The following NBAS variants were observed in gnomAD, a reference collection of about 807,000 sequenced individuals.
NBAS encodes NBAS subunit of NRZ tethering complex.
Under a neutral mutation model 302.5 loss-of-function variants are expected in NBAS, and 219 were observed. The ratio of observed to expected loss-of-function variants is 0.72; its 90% CI spans 0.65 to 0.81. The LOEUF is 0.81. Ranked by LOEUF, NBAS falls within the 30% of genes least tolerant of loss-of-function variation. NBAS has a pLI of 0.00. For missense variants in NBAS, 2,932 were observed against 2,841.6 expected (o/e 1.03, Z -0.72); for synonymous variants, 1,118 against 1,021.6 (o/e 1.09, Z -1.80).
chr2:15,458,252 T>A lies in NBAS; in HGVS notation c.2339+2949A>T, dbSNP rs1679339164. ...TTATGAGTATAGGGAAAGGAGTACC[T>A]TATAGAAATCCTCCTAGAAGAGGTT... is the stretch of plus-strand genomic sequence containing the variant. On this transcript the variant is annotated intron_variant, in intron 21 of 51. Coordinates refer to ENST00000281513, the MANE Select transcript of NBAS (RefSeq NM_015909.4). Among the ~76,000 whole-genome samples the A allele has an allele frequency of 2.6e-5, 4 of 152,144 alleles. No homozygotes were observed. The South Asian group carries it at 8.3e-4, about 32-fold the overall frequency.
intron 12 of NBAS, among the ~76,000 whole-genome samples, chr2:15,482,192 G>C (rs563046846): frequency 6.6e-6 from 1 of 152,112 alleles, no homozygotes; most frequent in Non-Finnish European, 1.5e-5. Flanking sequence ...GTGCAGTGGC[G>C]TGGTCACGGC....
chr2:15,556,641 T>G (rs1558436890), intron 3 of NBAS, 142 bp downstream of exon 3: 5 of 764,688 alleles, frequency 6.5e-6, no homozygotes, highest in Non-Finnish European at 1.1e-5. Context: ...ACCTAAATGT[T>G]TGAAATGTCT....
At chr2:15,034,298 A>AAGAAAGAAAGAAAG in the NBAS span, among the ~76,000 whole-genome samples, 1 of 132,672 alleles carries the variant, frequency 7.5e-6, no homozygotes, top group African/African-American at 3.0e-5. Context: ...GAAAGAAAGA[A>AAGAAAGAAAGAAAG]AGAAAGATGG....
chr2:15,395,309 T>G (rs1306276295), intron 27 of NBAS, among the ~76,000 whole-genome samples: 1 of 152,152 alleles, frequency 6.6e-6, no homozygotes, highest in Non-Finnish European at 1.5e-5. Context: ...AAGGTAACTA[T>G]GCAGATTTGT....
chr2:15,330,704 G>A lies in NBAS; in HGVS notation c.4241C>T (p.Thr1414Ile), dbSNP rs1672293301. The change falls in exon 36 of 52, where the codon ACC (threonine) becomes ATC (isoleucine). Residue 1414 changes from threonine to isoleucine, a missense_variant. By Grantham distance (89) the Thr-to-Ile change is moderately conservative. Transcript: ENST00000281513. ...ADLLRWTTAT[T>I]MKVLSNTTTT... ...TGTGGTGTTGGAAAGGACTTTCATG[G>A]TGGTAGCAGTGGTCCAGCGCAATAG... The A allele has an allele frequency of 1.2e-6, 2 of 1,614,052 alleles. No homozygotes were observed. The highest frequency in any genetic ancestry group is 1.7e-6 in the Non-Finnish European group (2 of 1,179,962).
rs754440782 is a variant in NBAS, at chr2:15,232,413, T to G, written c.6236+9A>C. 6.2e-6 allele frequency: 10 copies of G among 1,612,914 alleles called. No homozygotes were observed. ...GTTAATGAAGATGCACATACTGTTC[T>G]AGTCTTACCCCTTGTCCACACTGGC... is the stretch of plus-strand genomic sequence containing the variant. On this transcript the variant is annotated intron_variant, in intron 47 of 51. Coordinates refer to ENST00000281513, the MANE Select transcript of NBAS (RefSeq NM_015909.4).
intron 47 of NBAS, among the ~76,000 whole-genome samples, chr2:15,220,117 GC>G (rs1477162241): frequency 2.7e-5 from 4 of 148,324 alleles, no homozygotes; most frequent in Admixed American, 6.7e-5. Context: ...GGGGCGGCTG[GC>G]CGGGCGGGGG....
chr2:15,158,900 C>T, the NBAS span, among the ~76,000 whole-genome samples: 1 of 152,144 alleles, frequency 6.6e-6, no homozygotes, highest in African/African-American at 2.4e-5. Flanking sequence ...TTTCCAGAGG[C>T]CCCCTGCACC....
chr2:15,098,688 T>A, the NBAS span, among the ~76,000 whole-genome samples: 231 of 135,546 alleles, frequency 1.7e-3, no homozygotes, highest in African/African-American at 6.0e-3. Context: ...ATATTATATA[T>A]TGTATATAAT....
At chr2:15,466,482 G>A (rs1679729531) in intron 19 of NBAS, among the ~76,000 whole-genome samples, 1 of 152,126 alleles carries the variant, frequency 6.6e-6, no homozygotes, top group Non-Finnish European at 1.5e-5. Context: ...ATCTAAGTTG[G>A]TCTTAAACTA....
the NBAS span, among the ~76,000 whole-genome samples, chr2:15,047,558 G>GCTGGGCCTGTGCAAGTGAAGT: frequency 6.6e-6 from 1 of 152,092 alleles, no homozygotes; most frequent in Admixed American, 6.5e-5. Context: ...GCAGGTAAAG[G>GCTGGGCCTGTGCAAGTGAAGT]CTGGGCCCGT....
chr2:15,113,120 T>G, the NBAS span, among the ~76,000 whole-genome samples: 1 of 152,112 alleles, frequency 6.6e-6, no homozygotes, highest in Admixed American at 6.6e-5. Context: ...ACTTTAAGAA[T>G]GTTTTGTGTG....
the NBAS span, among the ~76,000 whole-genome samples, chr2:14,966,962 G>A: frequency 6.6e-6 from 1 of 151,990 alleles, no homozygotes; most frequent in Non-Finnish European, 1.5e-5. Flanking sequence ...TGGTATACAA[G>A]ATCAATATAC....
At chr2:14,910,699 A>C in the NBAS span, among the ~76,000 whole-genome samples, 2 of 152,226 alleles carry the variant, frequency 1.3e-5, no homozygotes, top group Admixed American at 6.5e-5. Flanking sequence ...AATGAAACTA[A>C]GAACTTGATT....
At chr2:14,786,839 C>T in the NBAS span, among the ~76,000 whole-genome samples, 12 of 152,114 alleles carry the variant, frequency 7.9e-5, no homozygotes, top group Admixed American at 1.3e-4. Context: ...CTATTAGGTC[C>T]GCTTGGTGCA....
chr2:14,874,146 A>T, the NBAS span, among the ~76,000 whole-genome samples: 1 of 152,242 alleles, frequency 6.6e-6, no homozygotes, highest in Non-Finnish European at 1.5e-5. Context: ...ATAAAGGGAT[A>T]AAAAGGGAAT....
chr2:15,545,012 C>A (rs376308570), intron 6 of NBAS, among the ~76,000 whole-genome samples: 7 of 147,062 alleles, frequency 4.8e-5, no homozygotes, highest in Admixed American at 6.7e-5. Context: ...CTCTGGCTGG[C>A]AAAAAAAAAA....
At chr2:14,869,181 C>A in the NBAS span, among the ~76,000 whole-genome samples, 3 of 152,250 alleles carry the variant, frequency 2.0e-5, no homozygotes, top group Admixed American at 2.0e-4. Flanking sequence ...TATCTTGGTA[C>A]CTGCCTCTTT....
intron 44 of NBAS, among the ~76,000 whole-genome samples, chr2:15,265,848 G>A (rs1258301760): frequency 6.6e-6 from 1 of 152,164 alleles, no homozygotes; most frequent in Non-Finnish European, 1.5e-5. Context: ...AGCAAAAAGT[G>A]AAGAATAAAC....
Sources: allele counts gnomAD v4.1 joint callset (sites outside exome capture counted in the v4.1 genomes callset), GRCh38; gene constraint gnomAD v4.1.1; transcripts MANE v1.5; gene names NCBI Gene and HGNC (gene_info 2026-07-23, HGNC 2026-07-21).